Variants in CAMTA1 observed in about 807,000 individuals in gnomAD.
CAMTA1 encodes the protein calmodulin-binding transcription activator 1.
Under a neutral mutation model 170.9 loss-of-function variants are expected in CAMTA1, and 27 were observed. The ratio of observed to expected loss-of-function variants is 0.16; its 90% CI spans 0.12 to 0.22. The LOEUF is 0.22. CAMTA1 is among the 10% of genes least tolerant of loss of function. The pLI is 1.00. For missense variants in CAMTA1, 1,619 were observed against 2,217.2 expected (o/e 0.73, Z 5.42); for synonymous variants, 833 against 891.5 (o/e 0.93, Z 1.17).
chr1:7,164,483 C>T (rs1303733340), intron 4 of CAMTA1, among the ~76,000 whole-genome samples: 3 of 152,248 alleles, frequency 2.0e-5, no homozygotes, highest in African/African-American at 7.2e-5. Context: ...GCTGGCACCC[C>T]TCACTCCACT....
At position 7,681,890 on chromosome 1, in the gene CAMTA1, G is replaced by A. The variant is rs948651983; in HGVS notation, c.2914+4157G>A. Among the ~76,000 whole-genome samples the A allele has an allele frequency of 6.6e-6, 1 of 152,222 alleles. No homozygotes were observed. Among genetic ancestry groups the A allele is most frequent in the African/African-American group, 2.4e-5 (1 of 41,446 alleles). The stretch of plus-strand genomic sequence containing the variant: ...CACCTTTAAGTGACCTGGGTCCCTA[G>A]AAGAGAAGGTGAGCGGAATTTTTGT... On this transcript the variant is annotated intron_variant, in intron 11 of 22. Coordinates refer to ENST00000303635, the MANE Select transcript of CAMTA1 (RefSeq NM_015215.4). This position sits in a 1 kb window ranked among gnomAD's most constrained non-coding sequence, Gnocchi z 4.6.
intron 11 of CAMTA1, among the ~76,000 whole-genome samples, chr1:7,695,776 G>A (rs2096369296): frequency 6.6e-6 from 1 of 152,128 alleles, no homozygotes; most frequent in Admixed American, 6.6e-5. Context: ...CTTTTCCCTG[G>A]CCACTTTTTT....
chr1:6,937,494 AT>A (rs1449097830), intron 3 of CAMTA1, among the ~76,000 whole-genome samples: 27 of 144,556 alleles, frequency 1.9e-4, no homozygotes, highest in Middle Eastern at 3.6e-3. Flanking sequence ...CACCATCATC[AT>A]TCACCACTTA....
chr1:7,446,563 A>G (rs2092686712), intron 5 of CAMTA1, among the ~76,000 whole-genome samples: 2 of 152,150 alleles, frequency 1.3e-5, no homozygotes, highest in African/African-American at 2.4e-5. Context: ...TACTGGGCGA[A>G]TGAGCCTCAG....
At chr1:7,686,128 C>T (rs889580314) in intron 11 of CAMTA1, among the ~76,000 whole-genome samples, 10 of 152,280 alleles carry the variant, frequency 6.6e-5, no homozygotes, top group Middle Eastern at 3.4e-3. Context: ...AACATGGACT[C>T]GGCATCTGCT....
intron 4 of CAMTA1, among the ~76,000 whole-genome samples, chr1:7,126,278 A>T (rs1212580957): frequency 6.6e-6 from 1 of 152,032 alleles, no homozygotes; most frequent in Non-Finnish European, 1.5e-5. Context: ...AACCTAACAA[A>T]TGCCTGCCTG....
intron 3 of CAMTA1, among the ~76,000 whole-genome samples, chr1:6,839,445 A>G (rs1654770318): frequency 6.6e-6 from 1 of 152,192 alleles, no homozygotes; most frequent in African/African-American, 2.4e-5. Context: ...GCCATCATTT[A>G]TGCATTCAGC....
intron 7 of CAMTA1, among the ~76,000 whole-genome samples, chr1:7,645,015 T>C (rs1451509391): frequency 6.6e-6 from 1 of 152,204 alleles, no homozygotes. Flanking sequence ...GCTTAGTATG[T>C]CTCATCCTGG....
intron 4 of CAMTA1, among the ~76,000 whole-genome samples, chr1:7,137,333 C>T (rs1267172212): frequency 5.9e-5 from 9 of 152,120 alleles, no homozygotes; most frequent in Non-Finnish European, 8.8e-5. Flanking sequence ...CATTCATCAC[C>T]GAATCGCTGA....
At position 7,293,841 on chromosome 1, in the gene CAMTA1, C is replaced by T. The variant is rs567040821; in HGVS notation, c.438+44215C>T. Among the ~76,000 whole-genome samples the T allele has an allele frequency of 4.6e-5, 7 of 152,364 alleles. No individual in the cohort carries two copies. Among genetic ancestry groups the T allele is most frequent in the Non-Finnish European group, 1.0e-4 (7 of 68,042 alleles). ...CCCTCGCTTTTCTCTGAAAACTCGG[C>T]ATGCCCCGGGGGGCCTCTTTGGAGC... On this transcript the variant is annotated intron_variant, in intron 5 of 22. Transcript: ENST00000303635. This position sits in a 1 kb window ranked among gnomAD's most constrained non-coding sequence, Gnocchi z 4.1.
In CAMTA1 at chr1:7,426,858, C is replaced by T. The variant is rs906249116; in HGVS notation, c.439-40972C>T. 2.6e-5 allele frequency among the ~76,000 whole-genome samples: 4 copies of T among 152,194 alleles called. No individual in the cohort carries two copies. Among genetic ancestry groups the T allele is most frequent in the African/African-American group, 9.6e-5 (4 of 41,452 alleles). ...AGTTAAAAAGACCTGAACGGCTGTC[C>T]TCCTGGGAGTCAGGTTGAGATGAAA... On this transcript the variant is annotated intron_variant, in intron 5 of 22. Coordinates refer to ENST00000303635, the MANE Select transcript of CAMTA1 (RefSeq NM_015215.4). This position sits in a 1 kb window ranked among gnomAD's most constrained non-coding sequence, Gnocchi z 4.8.
chr1:7,073,859 G>T (rs1273106298), intron 3 of CAMTA1, among the ~76,000 whole-genome samples: 3 of 152,202 alleles, frequency 2.0e-5, no homozygotes, highest in African/African-American at 7.2e-5. Context: ...CTTTGAAGGG[G>T]AGTATAAGGA....
intron 4 of CAMTA1, among the ~76,000 whole-genome samples, chr1:7,233,675 A>G (rs981449327): frequency 1.3e-5 from 2 of 152,072 alleles, no homozygotes; most frequent in Admixed American, 1.3e-4. Flanking sequence ...TGATCATCCC[A>G]CTTCCCTGCT....
chr1:7,353,198 G>A (rs2084818752), intron 5 of CAMTA1, among the ~76,000 whole-genome samples: 1 of 152,114 alleles, frequency 6.6e-6, no homozygotes, highest in Admixed American at 6.5e-5. Flanking sequence ...AATTACATGA[G>A]GGCAGGGTTG....
At chr1:6,938,797 C>T (rs556487633) in intron 3 of CAMTA1, among the ~76,000 whole-genome samples, 14 of 152,222 alleles carry the variant, frequency 9.2e-5, no homozygotes, top group Admixed American at 2.6e-4. Context: ...TGCTTGACTG[C>T]GGTATAGACT....
intron 4 of CAMTA1, among the ~76,000 whole-genome samples, chr1:7,207,591 A>G (rs934817924): frequency 6.6e-6 from 1 of 152,202 alleles, no homozygotes; most frequent in Non-Finnish European, 1.5e-5. Flanking sequence ...TGGATCTAGG[A>G]TCAACCCTAT....
intron 6 of CAMTA1, among the ~76,000 whole-genome samples, chr1:7,630,319 C>T (rs894983935): frequency 5.3e-5 from 8 of 152,178 alleles, no homozygotes; most frequent in Admixed American, 3.3e-4. Flanking sequence ...GAGTGGAGAA[C>T]TCCCTTCATC....
At chr1:6,976,408 C>T (rs1255091853) in intron 3 of CAMTA1, among the ~76,000 whole-genome samples, 2 of 152,190 alleles carry the variant, frequency 1.3e-5, no homozygotes, top group African/African-American at 2.4e-5. Context: ...ATAGGCGTTT[C>T]CACCTGTGCC....
rs914533433 is a variant in CAMTA1 at position 7,067,743 on chromosome 1, T to C, written c.235-23561T>C. Among the ~76,000 whole-genome samples, 1 of 152,196 alleles carries C rather than the reference T, an allele frequency of 6.6e-6. No individual in the cohort carries two copies. Among genetic ancestry groups the C allele is most frequent in the Non-Finnish European group, 1.5e-5 (1 of 68,032 alleles). Reference sequence around the variant, plus strand: ...TATTTCTTGCCGACAGGACCTTGACTGTGTTCAGGTGTCAGTGGCCAAATT... The same window carrying C: ...TATTTCTTGCCGACAGGACCTTGACCGTGTTCAGGTGTCAGTGGCCAAATT... On this transcript the variant is annotated intron_variant, in intron 3 of 22. Transcript: ENST00000303635. This position sits in a 1 kb window ranked among gnomAD's most constrained non-coding sequence, Gnocchi z 4.3.
Sources: allele counts gnomAD v4.1 joint callset (sites outside exome capture counted in the v4.1 genomes callset), GRCh38; gene constraint gnomAD v4.1.1; non-coding constraint Gnocchi (gnomAD v3.1); transcripts MANE v1.5; gene names NCBI Gene and HGNC (gene_info 2026-07-23, HGNC 2026-07-21).